Variants in ROBO2 observed in about 807,000 individuals in gnomAD.
ROBO2 encodes the protein roundabout homolog 2.
In ROBO2, 53 loss-of-function variants were observed where a neutral mutation model predicts 160.8. That is an observed-to-expected ratio of 0.33 (90% CI 0.26 to 0.41). The LOEUF is 0.41. Among genes scored for constraint, ROBO2 ranks in the 10% least tolerant of loss-of-function variants. The pLI is 1.00. For synonymous variants in ROBO2, 664 were observed against 611.7 expected, an observed-to-expected ratio of 1.09 and a Z score of -1.26; for missense variants, 1,577 against 1,722.4, an observed-to-expected ratio of 0.92 and a Z score of 1.49.
At chr3:77,460,362 T>C (rs1408575562) in intron 2 of ROBO2, among the ~76,000 whole-genome samples, 2 of 152,124 alleles carry the variant, frequency 1.3e-5, no homozygotes, top group South Asian at 2.1e-4. Context: ...GTTGAGTTAC[T>C]CTTAGACATT....
At chr3:76,913,649 A>C (rs1039229827) in intron 2 of ROBO2, among the ~76,000 whole-genome samples, 1 of 152,198 alleles carries the variant, frequency 6.6e-6, no homozygotes, top group Non-Finnish European at 1.5e-5. Flanking sequence ...TGTTTGACAG[A>C]TTTATTCTGC....
intron 2 of ROBO2, among the ~76,000 whole-genome samples, chr3:76,905,257 A>G (rs1445836802): frequency 2.0e-5 from 3 of 152,058 alleles, no homozygotes; most frequent in Admixed American, 6.6e-5. Context: ...CACATGTCCT[A>G]TTTGTCAGAA....
intron 2 of ROBO2, among the ~76,000 whole-genome samples, chr3:76,238,284 G>A (rs2107502518): frequency 6.6e-6 from 1 of 152,278 alleles, no homozygotes; most frequent in South Asian, 2.1e-4. Flanking sequence ...AAGGCCTCAG[G>A]AAACTTATAA....
intron 2 of ROBO2, among the ~76,000 whole-genome samples, chr3:77,422,161 T>C (rs1317630544): frequency 6.6e-6 from 1 of 152,190 alleles, no homozygotes; most frequent in African/African-American, 2.4e-5. Context: ...TGTGTCAGTC[T>C]AACTGCACAA....
chr3:77,579,578 G>A (rs1218652008), intron 15 of ROBO2, among the ~76,000 whole-genome samples: 1 of 152,100 alleles, frequency 6.6e-6, no homozygotes, highest in Non-Finnish European at 1.5e-5. Flanking sequence ...AGGAAATTAT[G>A]TGTTTTAATC....
chr3:77,549,652 G>T (rs951936892), intron 7 of ROBO2, among the ~76,000 whole-genome samples: 1 of 151,914 alleles, frequency 6.6e-6, no homozygotes, highest in African/African-American at 2.4e-5. Flanking sequence ...AAAGAGAAGA[G>T]CTTCTAATTA....
chr3:76,385,500 A>G (rs1392452432), intron 2 of ROBO2, among the ~76,000 whole-genome samples: 1 of 152,218 alleles, frequency 6.6e-6, no homozygotes, highest in Non-Finnish European at 1.5e-5. Flanking sequence ...AAAGAATTGA[A>G]GCAAAGAGAT....
chr3:76,518,597 G>A (rs897517400), intron 2 of ROBO2, among the ~76,000 whole-genome samples: 3 of 152,084 alleles, frequency 2.0e-5, no homozygotes, highest in Non-Finnish European at 2.9e-5. Context: ...TTTTATCTGA[G>A]CTCATATGGT....
At chr3:77,266,789 G>A (rs1465610247) in intron 2 of ROBO2, among the ~76,000 whole-genome samples, 2 of 152,114 alleles carry the variant, frequency 1.3e-5, no homozygotes, top group Admixed American at 1.3e-4. Flanking sequence ...GAAATTAAGT[G>A]ATTTATGTAA....
intron 2 of ROBO2, among the ~76,000 whole-genome samples, chr3:77,325,215 A>G (rs2065255032): frequency 6.6e-6 from 1 of 152,210 alleles, no homozygotes; most frequent in Non-Finnish European, 1.5e-5. Context: ...CTGATCCTGA[A>G]TGTTGTGCCT....
intron 23 of ROBO2, among the ~76,000 whole-genome samples, chr3:77,628,450 G>A (rs995127611): frequency 6.8e-6 from 1 of 146,960 alleles, no homozygotes; most frequent in African/African-American, 2.5e-5. Flanking sequence ...CTTTTTGTGG[G>A]GGGGGGGTAA....
chr3:77,069,298 A>C (rs2067169083), intron 1 of ROBO2, among the ~76,000 whole-genome samples: 1 of 152,298 alleles, frequency 6.6e-6, no homozygotes, highest in Admixed American at 6.5e-5. Flanking sequence ...AAGACAAATA[A>C]AAATATGAAA....
At chr3:76,372,391 A>C (rs915109172) in intron 2 of ROBO2, among the ~76,000 whole-genome samples, 1 of 151,936 alleles carries the variant, frequency 6.6e-6, no homozygotes, top group Admixed American at 6.6e-5. Flanking sequence ...CCTTAGGTAG[A>C]AATTGATGTG....
chr3:75,956,524 G>A (rs1948727339), intron 2 of ROBO2, among the ~76,000 whole-genome samples: 2 of 151,774 alleles, frequency 1.3e-5, no homozygotes, highest in Middle Eastern at 3.4e-3. Flanking sequence ...ATTTGGAAAT[G>A]TAAAAATCCA....
At chr3:76,813,865 A>G (rs1418249403) in intron 2 of ROBO2, among the ~76,000 whole-genome samples, 1 of 152,152 alleles carries the variant, frequency 6.6e-6, no homozygotes, top group African/African-American at 2.4e-5. Flanking sequence ...AATGCGATGT[A>G]AACATGTTTA....
intron 8 of ROBO2, among the ~76,000 whole-genome samples, chr3:77,553,991 T>A (rs2153655705): frequency 6.6e-6 from 1 of 152,136 alleles, no homozygotes; most frequent in African/African-American, 2.4e-5. Context: ...AGATGTTACC[T>A]AGGACTTTGA....
intron 8 of ROBO2, among the ~76,000 whole-genome samples, chr3:77,553,418 C>T (rs1350602635): frequency 6.6e-6 from 1 of 151,868 alleles, no homozygotes; most frequent in East Asian, 1.9e-4. Context: ...TCTACAGTGG[C>T]CTCCATGTGT....
At chr3:76,566,314 C>T (rs746074266) in intron 2 of ROBO2, among the ~76,000 whole-genome samples, 7 of 152,160 alleles carry the variant, frequency 4.6e-5, no homozygotes, top group Non-Finnish European at 5.9e-5. Flanking sequence ...ATCATCTGGG[C>T]TGTGAAGAGA....
intron 2 of ROBO2, among the ~76,000 whole-genome samples, chr3:77,363,414 G>A (rs955881439): frequency 2.0e-5 from 3 of 152,070 alleles, no homozygotes; most frequent in Admixed American, 2.0e-4. Flanking sequence ...TCCATAAGGG[G>A]TCAGATAGTA....
Sources: allele counts gnomAD v4.1 joint callset (sites outside exome capture counted in the v4.1 genomes callset), GRCh38; gene constraint gnomAD v4.1.1; transcripts MANE v1.5; gene names NCBI Gene and HGNC (gene_info 2026-07-23, HGNC 2026-07-21).